SLCO2B1: variants seen among roughly 807,000 people sequenced by gnomAD.
SLCO2B1 encodes OATP-RP2.
SLCO2B1 carries 41 observed loss-of-function variants against 67.3 expected under a neutral mutation model. The observed-to-expected ratio is 0.61, with a 90% CI of 0.47 to 0.79. The LOEUF (loss-of-function observed/expected upper bound fraction) is 0.79, where lower values mean the gene tolerates loss of function less well. Ranked by LOEUF, SLCO2B1 falls within the 30% of genes least tolerant of loss-of-function variation. SLCO2B1 has a pLI of 0.00. For synonymous variants in SLCO2B1, 379 were observed against 381.4 expected (o/e 0.99, Z 0.07); for missense variants, 837 against 920.1 (o/e 0.91, Z 1.17).
At chr11:75,189,101 T>G (rs1384512021) in intron 8 of SLCO2B1, among the ~76,000 whole-genome samples, 1 of 152,222 alleles carries the variant, frequency 6.6e-6, no homozygotes, top group Non-Finnish European at 1.5e-5. Flanking sequence ...GTAGACTCAA[T>G]GATCTAACGT....
rs1949884608 is a variant in SLCO2B1, at chr11:75,165,915, C to G, written c.414C>G (p.Ile138Met). ...AGLLMTLPHF[I>M]SEPYRYDNTS... is the part of the protein sequence containing the mutation. ...TGCTCATGACTCTCCCGCACTTCAT[C>G]TCGGAGCCATACCGCTACGACAACA... is the stretch of plus-strand genomic sequence containing the variant. The change falls in exon 4 of 14, where the codon ATC becomes ATG. Residue 138 changes from isoleucine (I) to methionine (M), a missense_variant. Coordinates refer to ENST00000289575, the MANE Select transcript of SLCO2B1 (RefSeq NM_007256.5). 6.2e-7 allele frequency: 1 copy of G among 1,614,166 alleles called. No individual in the cohort carries two copies. Among genetic ancestry groups the G allele is most frequent in the Non-Finnish European group, 8.5e-7 (1 of 1,180,000 alleles).
chr11:75,164,410 T>C (rs1353020513), intron 3 of SLCO2B1, among the ~76,000 whole-genome samples: 1 of 152,084 alleles, frequency 6.6e-6, no homozygotes, highest in Non-Finnish European at 1.5e-5. Context: ...CTATTGCCTG[T>C]CCCAGGAAGG....
intron 10 of SLCO2B1, among the ~76,000 whole-genome samples, chr11:75,197,868 C>T (rs943664627): frequency 2.6e-5 from 4 of 152,176 alleles, no homozygotes; most frequent in South Asian, 2.1e-4. Flanking sequence ...TAAGACCAGC[C>T]GGTTCCTCCT....
chr11:75,203,550 T>C lies in SLCO2B1; in HGVS notation c.1949+123T>C, dbSNP rs1945220294. On this transcript the variant is annotated intron_variant, in intron 13 of 13. Transcript: ENST00000289575. ...ACCTGCTAGGTGACAGGTGTCATTA[T>C]ATATTCAGTGCTGAGCTCACCAGTC... The C allele has an allele frequency of 4.0e-6, 5 of 1,259,642 alleles. No individual in the cohort carries two copies. The African/African-American group carries it at 4.4e-5, about 11-fold the overall frequency. The allele number at this position is 1,259,642 out of a possible 1,614,324, so 78.0% of individuals were successfully genotyped here. A position where few individuals can be genotyped will look rare whatever the true frequency, so the allele number is the denominator to read the frequency against.
rs372678686 is a variant in SLCO2B1 at position 75,153,200 on chromosome 11, G to A, written c.16+1803G>A. On this transcript the variant is annotated intron_variant, in intron 1 of 13. Transcript: ENST00000289575. ...CAAATGCCAACTCCTCCAGGAAGCC[G>A]TTCCAGATTCTTCCAGCTGGGGGTA... Among the ~76,000 whole-genome samples, 77 of 152,296 alleles carry A rather than the reference G, an allele frequency of 5.1e-4. 1 individual carries two copies. In the South Asian group the frequency reaches 9.7e-3, roughly 19 times the overall value.
Position 75,172,422 on chromosome 11 carries a change from C to T in SLCO2B1, c.825C>T (p.Ala275=), listed in dbSNP as rs1949972408. 2 of 1,614,168 alleles carry T rather than the reference C, an allele frequency of 1.2e-6. No homozygotes were observed. The highest frequency in any genetic ancestry group is 4.5e-5 in the East Asian group (2 of 44,890). The change falls in exon 7 of 14, where the codon GCC becomes GCT. Residue 275 remains alanine (A), a synonymous_variant. Coordinates refer to ENST00000289575, the MANE Select transcript of SLCO2B1 (RefSeq NM_007256.5). ...LTIKDPRWVG[A]WWLGFLIAAG... is the part of the protein sequence containing the mutation. ...TAAAGGACCCCCGATGGGTGGGTGC[C>T]TGGTGGCTGGGTTTCCTCATCGCTG...
In SLCO2B1 at chr11:75,204,819, C is replaced by T; in HGVS notation, c.*239C>T. On this transcript the variant is annotated 3_prime_UTR_variant, in exon 14 of 14. Coordinates refer to ENST00000289575, the MANE Select transcript of SLCO2B1 (RefSeq NM_007256.5). ...TCTGGAGCAAGAGGGTCTTCTTCCT[C>T]CTTCCCCCAGCCAGCCAGCTGTCCT... is the stretch of plus-strand genomic sequence containing the variant. 2.9e-6 allele frequency: 1 copy of T among 342,294 alleles called. No homozygotes were observed. Among genetic ancestry groups the T allele is most frequent in the South Asian group, 8.7e-5 (1 of 11,492 alleles). 21.2% of individuals were successfully genotyped at this position (342,294 alleles called of 1,614,324 possible). A position where few individuals can be genotyped will look rare whatever the true frequency, so the allele number is the denominator to read the frequency against.
At chr11:75,164,784 T>C (rs1438230648) in intron 3 of SLCO2B1, among the ~76,000 whole-genome samples, 2 of 152,212 alleles carry the variant, frequency 1.3e-5, no homozygotes, top group Non-Finnish European at 2.9e-5. Flanking sequence ...CCAGCTGCAG[T>C]GTCCCCAGAT....
intron 7 of SLCO2B1, among the ~76,000 whole-genome samples, chr11:75,179,788 G>A (rs889564904): frequency 3.3e-5 from 5 of 152,072 alleles, no homozygotes; most frequent in Non-Finnish European, 5.9e-5. Context: ...CCAGGCTGGA[G>A]TGCAGTGGCA....
chr11:75,163,835 C>G, intron 2 of SLCO2B1, 128 bp from the exon 3 acceptor site: 1 of 1,100,124 alleles, frequency 9.1e-7, no homozygotes, highest in Non-Finnish European at 1.3e-6. Context: ...TGGTCACTCT[C>G]CCGCCCTCTG....
intron 8 of SLCO2B1, among the ~76,000 whole-genome samples, chr11:75,190,790 G>C (rs986622290): frequency 6.6e-6 from 1 of 152,148 alleles, no homozygotes; most frequent in Non-Finnish European, 1.5e-5. Context: ...CTAGCTGGGT[G>C]AGGCTCCTGG....
intron 13 of SLCO2B1, 74 bp from the exon 14 acceptor site, chr11:75,204,326 A>G: frequency 7.0e-7 from 1 of 1,426,926 alleles, no homozygotes; most frequent in Non-Finnish European, 9.5e-7. Flanking sequence ...TGATTTCACA[A>G]TGAGTGATGA....
chr11:75,182,739 T>TAA lies in SLCO2B1; in HGVS notation c.973-5385_973-5384dup, dbSNP rs34005082. On this transcript the variant is annotated intron_variant, in intron 7 of 13. Transcript: ENST00000289575. ...TCTGGGGGACACAGCAAGGCTCTGT[T>TAA]AAAAAAAAAAAAAGTGCAATGTAGA... Among the ~76,000 whole-genome samples, 28 of 144,710 alleles carry TAA rather than the reference T, an allele frequency of 1.9e-4. No individual in the cohort carries two copies. The South Asian group carries it at 4.4e-3, about 23-fold the overall frequency. 94.9% of individuals were successfully genotyped at this position (144,710 alleles called of 152,430 possible).
intron 6 of SLCO2B1, 115 bp downstream of exon 6, chr11:75,169,879 C>A: frequency 1.3e-6 from 1 of 787,976 alleles, no homozygotes; most frequent in Non-Finnish European, 2.2e-6. Context: ...TGACCTTGGG[C>A]AAGTCTCTTA....
Position 75,196,175 on chromosome 11 carries a change from C to T in SLCO2B1, c.1434-339C>T, listed in dbSNP as rs115439913. On this transcript the variant is annotated intron_variant, in intron 9 of 13. Coordinates refer to ENST00000289575, the MANE Select transcript of SLCO2B1 (RefSeq NM_007256.5). ...GAGAAATGAAGCAATCATTGATTTT[C>T]GGAGAAAGGAAGCTGATTGAGGGAA... is the stretch of plus-strand genomic sequence containing the variant. 3.4e-3 allele frequency: 722 copies of T among 212,052 alleles called. 9 individuals are homozygous for T. The highest frequency in any genetic ancestry group is 0.015 in the African/African-American group (632 of 43,398). 13.1% of individuals were successfully genotyped at this position (212,052 alleles called of 1,614,324 possible). A position where few individuals can be genotyped will look rare whatever the true frequency, so the allele number is the denominator to read the frequency against.
At chr11:75,181,152 T>C (rs1470919673) in intron 7 of SLCO2B1, among the ~76,000 whole-genome samples, 1 of 152,006 alleles carries the variant, frequency 6.6e-6, no homozygotes, top group African/African-American at 2.4e-5. Context: ...GTGGATTACC[T>C]AAGGTTAGAA....
chr11:75,167,232 G>A (rs753308948), intron 4 of SLCO2B1, among the ~76,000 whole-genome samples: 24 of 152,256 alleles, frequency 1.6e-4, no homozygotes, highest in Non-Finnish European at 2.8e-4. Flanking sequence ...AACTCAGCGC[G>A]TGCATGAAGA....
intron 1 of SLCO2B1, among the ~76,000 whole-genome samples, chr11:75,153,059 A>C (rs1949710376): frequency 6.6e-6 from 1 of 152,202 alleles, no homozygotes. Context: ...TGGGGCAGCC[A>C]TTCACACACA....
intron 7 of SLCO2B1, among the ~76,000 whole-genome samples, chr11:75,174,445 C>T (rs1403147902): frequency 6.6e-6 from 1 of 152,132 alleles, no homozygotes; most frequent in Non-Finnish European, 1.5e-5. Context: ...CGTGCATTGG[C>T]AGTGAGGGGA....
Sources: gnomAD v4.1 joint callset for allele counts (sites outside exome capture counted in the v4.1 genomes callset) on GRCh38, gnomAD v4.1.1 for gene constraint, MANE v1.5 for transcripts, NCBI Gene and HGNC (gene_info 2026-07-23, HGNC 2026-07-21) for gene names.